Variants in SPTA1 observed in about 807,000 individuals in gnomAD.
SPTA1 encodes the protein spectrin alpha chain, erythrocytic 1.
A neutral mutation model predicts 324.7 loss-of-function variants in SPTA1; 177 were observed. The observed-to-expected ratio is 0.55, with a 90% CI of 0.48 to 0.62. SPTA1 has a LOEUF of 0.62. Among genes scored for constraint, SPTA1 ranks in the 20% least tolerant of loss-of-function variants. SPTA1 has a pLI of 0.00. For synonymous variants in SPTA1, 1,195 were observed against 1,041.3 expected (o/e 1.15, Z -2.84); for missense variants, 3,162 against 2,883.6 (o/e 1.10, Z -2.21).
At chr1:158,685,441 C>G in intron 1 of SPTA1, 94 bp from the exon 2 acceptor site, 1 of 1,552,978 alleles carries the variant, frequency 6.4e-7, no homozygotes, top group South Asian at 1.1e-5. Context: ...CATGTTGGAC[C>G]TATATTCAGA....
At position 158,654,671 on chromosome 1, in the gene SPTA1, G is replaced by A. The variant is rs1484904055; in HGVS notation, c.2976C>T (p.Ser992=). 6 of 1,613,838 alleles carry A rather than the reference G, an allele frequency of 3.7e-6. No homozygotes were observed. Among genetic ancestry groups the A allele is most frequent in the Admixed American group, 3.3e-5 (2 of 59,984 alleles). Residue 992 remains serine (S), a synonymous_variant, in exon 21 of 52, where the codon AGC becomes AGT. Transcript: ENST00000643759. ...VMALYDFQAR[S]PREVTMKKGD... ...CTTTCTTCATGGTGACTTCTCGGGG[G>A]CTGCGGGCCTGGAAGTCATATAAAG...
Position 158,683,512 on chromosome 1 carries a change from CAG to C in SPTA1, c.265-18_265-17del. 1.9e-6 allele frequency: 3 copies of C among 1,612,448 alleles called. No individual in the cohort carries two copies. Among genetic ancestry groups the C allele is most frequent in the Non-Finnish European group, 2.5e-6 (3 of 1,179,070 alleles). ...GATATTTCCCCTAAAGTTTAGAAAT[CAG>C]AGTTTTTGTCTAATGAAGCACAGTC... On this transcript the variant is annotated splice_polypyrimidine_tract_variant and intron_variant, in intron 2 of 51. Coordinates refer to ENST00000643759, the MANE Select transcript of SPTA1 (RefSeq NM_003126.4).
chr1:158,643,493 C>T (rs1651769194), intron 30 of SPTA1, 68 bp from the exon 31 acceptor site: 1 of 1,439,300 alleles, frequency 6.9e-7, no homozygotes, highest in Non-Finnish European at 9.7e-7. Flanking sequence ...CCCAGACTCC[C>T]TCCTAGAAAA....
intron 2 of SPTA1, among the ~76,000 whole-genome samples, chr1:158,683,897 A>G (rs1654990681): frequency 6.6e-6 from 1 of 152,028 alleles, no homozygotes. Context: ...CTTGTAATCT[A>G]TAAATTGATC....
chr1:158,652,565 C>A lies in SPTA1; in HGVS notation c.3277G>T (p.Asp1093Tyr). The A allele has an allele frequency of 3.1e-6, 5 of 1,614,110 alleles. No individual in the cohort carries two copies. Among genetic ancestry groups the A allele is most frequent in the Non-Finnish European group, 4.2e-6 (5 of 1,180,030 alleles). ...TTCTCTTGAATCCATTCCAGCATGTCTCCTGCCTCATAGGCCAATAAAAAT... is the reference window on the plus strand; with the variant it reads ...TTCTCTTGAATCCATTCCAGCATGTATCCTGCCTCATAGGCCAATAAAAAT... The part of the protein sequence containing the change: ...NEFLLAYEAG[D>Y]MLEWIQEKKA... Residue 1093 changes from aspartate to tyrosine, a missense_variant, in exon 23 of 52, where the codon GAC becomes TAC. Coordinates refer to ENST00000643759, the MANE Select transcript of SPTA1 (RefSeq NM_003126.4).
intron 5 of SPTA1, among the ~76,000 whole-genome samples, chr1:158,679,362 C>T (rs1005960773): frequency 6.6e-6 from 1 of 152,078 alleles, no homozygotes; most frequent in Non-Finnish European, 1.5e-5. Flanking sequence ...CTGCTCATCC[C>T]TTCAAAAGGT....
Position 158,686,661 on chromosome 1 carries a change from C to A in SPTA1, c.-144G>T, listed in dbSNP as rs1263475361. 1.2e-5 allele frequency: 8 copies of A among 669,936 alleles called. No individual in the cohort carries two copies. The highest frequency in any genetic ancestry group is 2.7e-5 in the East Asian group (1 of 36,886). The allele number at this position is 669,936 out of a possible 1,614,324, so 41.5% of individuals were successfully genotyped here. ...GTGGGGGAAAAAAAAAAACCTCTTG[C>A]TTGGTCCTAGAATCCCATCAGCCAT... On this transcript the variant is annotated 5_prime_UTR_variant, in exon 1 of 52. Transcript: ENST00000643759.
rs748829760 is a variant in SPTA1 at position 158,674,564 on chromosome 1, C to G, written c.1224G>C (p.Leu408=). Residue 408 remains leucine, a synonymous_variant, in exon 9 of 52, where the codon CTG becomes CTC. Coordinates refer to ENST00000643759, the MANE Select transcript of SPTA1 (RefSeq NM_003126.4). ...CCTTATGCTGCTGATGCCTGTCCAG[C>G]AGAACTTCTCCACCAGCCACATCTG... The part of the protein sequence containing the change: ...LPTDVAGGEV[L]LDRHQQHKHE... 1.9e-6 allele frequency: 3 copies of G among 1,614,122 alleles called. No individual in the cohort carries two copies. Among genetic ancestry groups the G allele is most frequent in the Non-Finnish European group, 2.5e-6 (3 of 1,180,008 alleles).
chr1:158,648,480 T>A (rs1461723800), intron 26 of SPTA1, 29 bp downstream of exon 26: 5 of 1,613,468 alleles, frequency 3.1e-6, no homozygotes, highest in Non-Finnish European at 4.2e-6. Context: ...CTGGAAAGTG[T>A]TGGAAAAGCT....
At chr1:158,683,703 T>G (rs779326517) in intron 2 of SPTA1, among the ~76,000 whole-genome samples, 41 of 152,104 alleles carry the variant, frequency 2.7e-4, no homozygotes, top group Admixed American at 6.6e-4. Flanking sequence ...ATGCCGAGCC[T>G]TATTTTAAAG....
chr1:158,666,574 T>C (rs917882947), intron 15 of SPTA1, 77 bp from the exon 16 acceptor site: 25 of 1,267,208 alleles, frequency 2.0e-5, no homozygotes, highest in Non-Finnish European at 2.6e-5. Flanking sequence ...CTTCCTCCAA[T>C]TGAAGGATCA....
chr1:158,626,196 T>C lies in SPTA1; in HGVS notation c.5860A>G (p.Asn1954Asp). ...TCACCAAGGTCTGCACCATTGCCAT[T>C]GGTCTTTAGGCTTGTTTCCTTATCA... Reference protein sequence around the residue: ...IADKETSLKTNGNGADLGDFL... With the variant: ...IADKETSLKTDGNGADLGDFL... The change falls in exon 42 of 52, where the codon AAT becomes GAT. Residue 1954 changes from asparagine to aspartate, a missense_variant. Physicochemically the swap from Asn to Asp is conservative, Grantham distance 23. Transcript: ENST00000643759. 6.2e-7 allele frequency: 1 copy of C among 1,613,750 alleles called. No individual in the cohort carries two copies. Among genetic ancestry groups the C allele is most frequent in the Non-Finnish European group, 8.5e-7 (1 of 1,179,690 alleles).
intron 50 of SPTA1, 62 bp from the exon 51 acceptor site, chr1:158,613,023 A>T: frequency 6.4e-7 from 1 of 1,565,724 alleles, no homozygotes; most frequent in Admixed American, 1.7e-5. Flanking sequence ...TCCCCTTTTT[A>T]ATCCTACTCA....
chr1:158,625,638 A>T (rs560276904), intron 42 of SPTA1, among the ~76,000 whole-genome samples: 1 of 152,012 alleles, frequency 6.6e-6, no homozygotes, highest in African/African-American at 2.4e-5. Context: ...AAATAATAAA[A>T]AGATAATAGA....
intron 39 of SPTA1, among the ~76,000 whole-genome samples, chr1:158,634,110 G>A (rs865857781): frequency 2.6e-5 from 4 of 152,180 alleles, no homozygotes; most frequent in Non-Finnish European, 5.9e-5. Flanking sequence ...GAACTATTTT[G>A]TCCAGTAAGC....
At chr1:158,681,444 G>A (rs1388389383) in intron 4 of SPTA1, 83 bp downstream of exon 4, 1 of 1,601,230 alleles carries the variant, frequency 6.2e-7, no homozygotes, top group African/African-American at 1.3e-5. Context: ...ACTTCCTTGT[G>A]AGTAGTCTGC....
rs754523316 is a variant in SPTA1 at position 158,656,586 on chromosome 1, C to T, written c.2876G>A (p.Arg959Gln). ...NSFGDSMKAL[R>Q]NQANACQQQQ... ...TACCTGGCAGGCGTTTGCCTGATTCCGCAGAGCTTTCATACTGTCTCCAAA... is the reference window on the plus strand; with the variant it reads ...TACCTGGCAGGCGTTTGCCTGATTCTGCAGAGCTTTCATACTGTCTCCAAA... Residue 959 changes from arginine to glutamine, a missense_variant, in exon 20 of 52, where the codon CGG becomes CAG. Physicochemically the swap from Arg to Gln is conservative, Grantham distance 43 (BLOSUM62 1). Coordinates refer to ENST00000643759, the MANE Select transcript of SPTA1 (RefSeq NM_003126.4). 59 of 1,613,750 alleles carry T rather than the reference C, an allele frequency of 3.7e-5. 1 individual carries two copies. The highest frequency in any genetic ancestry group is 4.5e-5 in the Non-Finnish European group (53 of 1,179,918).
chr1:158,664,623 A>T (rs942722318), intron 16 of SPTA1, among the ~76,000 whole-genome samples: 8 of 152,210 alleles, frequency 5.3e-5, no homozygotes, highest in African/African-American at 1.9e-4. Flanking sequence ...TTATGTAACA[A>T]ACCTGCAGTT....
rs889658284 is a variant in SPTA1 at position 158,680,575 on chromosome 1, C to T, written c.678+8G>A. 3.7e-6 allele frequency: 6 copies of T among 1,613,722 alleles called. No individual in the cohort carries two copies. The highest frequency in any genetic ancestry group is 1.1e-5 in the South Asian group (1 of 91,082). On this transcript the variant is annotated splice_region_variant and intron_variant, in intron 5 of 51. Coordinates refer to ENST00000643759, the MANE Select transcript of SPTA1 (RefSeq NM_003126.4). ...TTGCACGGAGTGAATATTTTGCTCCCACCTCACCTCGGCACACTCATTGGC... is the reference window on the plus strand; with the variant it reads ...TTGCACGGAGTGAATATTTTGCTCCTACCTCACCTCGGCACACTCATTGGC...
Sources: allele counts gnomAD v4.1 joint callset (sites outside exome capture counted in the v4.1 genomes callset), GRCh38; gene constraint gnomAD v4.1.1; transcripts MANE v1.5; gene names NCBI Gene and HGNC (gene_info 2026-07-23, HGNC 2026-07-21).